Variants in CRTAC1 observed in about 807,000 individuals in gnomAD.
CRTAC1 encodes the protein acidic secreted protein in cartilage.
A neutral mutation model predicts 67.8 loss-of-function variants in CRTAC1; 37 were observed. The observed-to-expected ratio is 0.55, with a 90% CI of 0.42 to 0.72. The LOEUF (loss-of-function observed/expected upper bound fraction) is 0.72. CRTAC1 is among the 30% of genes least tolerant of loss of function. The probability of loss-of-function intolerance (pLI) is 0.00; values close to 1 mark genes in which losing one functional copy is unlikely to be tolerated. For missense variants in CRTAC1, 780 were observed against 931.6 expected (o/e 0.84, Z 2.12); for synonymous variants, 348 against 371.0 (o/e 0.94, Z 0.71).
At chr10:97,962,377 A>G (rs977156216) in intron 2 of CRTAC1, among the ~76,000 whole-genome samples, 2 of 152,244 alleles carry the variant, frequency 1.3e-5, no homozygotes, top group Non-Finnish European at 1.5e-5. Context: ...TAAAGGAATT[A>G]ATGCAGATCA....
At chr10:97,969,344 G>A (rs574672569) in intron 2 of CRTAC1, among the ~76,000 whole-genome samples, 190 of 152,230 alleles carry the variant, frequency 1.2e-3, no homozygotes, top group Middle Eastern at 6.8e-3. Context: ...TCCCCTCCCA[G>A]CCCCTTGACA....
intron 14 of CRTAC1, among the ~76,000 whole-genome samples, chr10:97,874,649 C>T (rs2136531479): frequency 1.3e-5 from 2 of 152,258 alleles, no homozygotes; most frequent in South Asian, 4.2e-4. Context: ...ATAATAGTAT[C>T]TCTAATTTGT....
At chr10:97,875,824 G>A (rs1590172823) in intron 14 of CRTAC1, 2 of 152,226 alleles carry the variant, frequency 1.3e-5, no homozygotes, top group African/African-American at 4.8e-5. Flanking sequence ...CAGACCCTGG[G>A]AGGGGGCCAT....
At chr10:98,002,252 T>C (rs1452801887) in intron 2 of CRTAC1, among the ~76,000 whole-genome samples, 1 of 152,238 alleles carries the variant, frequency 6.6e-6, no homozygotes, top group African/African-American at 2.4e-5. Context: ...AGCAGAGGCA[T>C]TTTTAGTGTT....
intron 13 of CRTAC1, among the ~76,000 whole-genome samples, chr10:97,881,606 C>T (rs774937205): frequency 6.6e-5 from 10 of 152,234 alleles, no homozygotes; most frequent in East Asian, 5.8e-4. Flanking sequence ...GCCTGTTGGG[C>T]GATGAAAAGG....
At chr10:98,002,348 C>CT (rs544292517) in intron 2 of CRTAC1, among the ~76,000 whole-genome samples, 77 of 152,068 alleles carry the variant, frequency 5.1e-4, no homozygotes, top group Middle Eastern at 6.8e-3. Flanking sequence ...TGTTAAAATC[C>CT]TTTTTTAAAA....
rs751481361 is a variant in CRTAC1, at chr10:98,011,370, A to C, written c.25-33T>G. The C allele has an allele frequency of 1.1e-5, 18 of 1,611,254 alleles. No homozygotes were observed. The Admixed American group carries it at 3.0e-4, about 27-fold the overall frequency. ...CAAAAGTGACAAATGTTACCGAAAG[A>C]ACCTGTAACCAAAGCAATCCCGGAA... On this transcript the variant is annotated intron_variant, in intron 1 of 14. Transcript: ENST00000370597.
At position 97,884,224 on chromosome 10, in the gene CRTAC1, C is replaced by A; in HGVS notation, c.1614G>T (p.Gln538His). 1.9e-6 allele frequency: 3 copies of A among 1,569,968 alleles called. No homozygotes were observed. The highest frequency in any genetic ancestry group is 2.6e-6 in the Non-Finnish European group (3 of 1,156,446). Residue 538 changes from glutamine to histidine, a missense_variant, in exon 12 of 15, where the codon CAG becomes CAT. By Grantham distance (24) the Gln-to-His change is conservative. Coordinates refer to ENST00000370597, the MANE Select transcript of CRTAC1 (RefSeq NM_018058.7). ...ILYPRDEDTL[Q>H]DPAPLECGQG... Reference sequence around the variant, plus strand: ...TGCCCACCTCCAGTGGGGCTGGGTCCTGAAGTGTGTCCTCATCCCGGGGGT... The same window carrying A: ...TGCCCACCTCCAGTGGGGCTGGGTCATGAAGTGTGTCCTCATCCCGGGGGT...
intron 14 of CRTAC1, chr10:97,869,945 C>G (rs2050073477): frequency 6.6e-6 from 1 of 152,290 alleles, no homozygotes; most frequent in Admixed American, 6.5e-5. Flanking sequence ...TAAGGCAAGG[C>G]AAACACCACT....
At chr10:97,971,961 T>C (rs1343559830) in intron 2 of CRTAC1, among the ~76,000 whole-genome samples, 1 of 152,160 alleles carries the variant, frequency 6.6e-6, no homozygotes, top group Non-Finnish European at 1.5e-5. Context: ...TTTTACGGGA[T>C]ACTTCTTTTA....
intron 1 of CRTAC1, among the ~76,000 whole-genome samples, chr10:98,025,907 G>C (rs978716811): frequency 6.6e-6 from 1 of 152,206 alleles, no homozygotes; most frequent in Non-Finnish European, 1.5e-5. Flanking sequence ...AAGCATGGCA[G>C]AACCCCAAAG....
At chr10:97,947,352 G>C (rs956796849) in intron 2 of CRTAC1, among the ~76,000 whole-genome samples, 45 of 152,322 alleles carry the variant, frequency 3.0e-4, no homozygotes, top group African/African-American at 1.1e-3. Flanking sequence ...GCCAAAAATT[G>C]TTGGGGTAAA....
chr10:97,995,266 T>G (rs1441459384), intron 2 of CRTAC1, among the ~76,000 whole-genome samples: 1 of 152,060 alleles, frequency 6.6e-6, no homozygotes, highest in Non-Finnish European at 1.5e-5. Context: ...GCATGGGGCT[T>G]CCTGCACATA....
At chr10:97,997,148 A>G (rs1326084949) in intron 2 of CRTAC1, among the ~76,000 whole-genome samples, 2 of 149,606 alleles carry the variant, frequency 1.3e-5, no homozygotes, top group East Asian at 3.9e-4. Flanking sequence ...TGATGAGTTA[A>G]TGGGTGCAGC....
chr10:97,960,300 T>C lies in CRTAC1; in HGVS notation c.225-23934A>G, dbSNP rs559076216. ...ATGGTCAATAAATTGTAGCCCCTCT[T>C]GTCAGCAGCATCACATATTTGTATC... On this transcript the variant is annotated intron_variant, in intron 2 of 14. Transcript: ENST00000370597. Among the ~76,000 whole-genome samples the C allele has an allele frequency of 2.0e-5, 3 of 152,344 alleles. No individual in the cohort carries two copies. In the East Asian group the frequency reaches 5.8e-4, roughly 29 times the overall value.
intron 14 of CRTAC1, among the ~76,000 whole-genome samples, chr10:97,871,763 G>C (rs2050095567): frequency 6.6e-6 from 1 of 152,200 alleles, no homozygotes; most frequent in African/African-American, 2.4e-5. Flanking sequence ...AGACGTGGGA[G>C]AAGAGAGAGT....
chr10:97,955,998 G>T (rs1165237013), intron 2 of CRTAC1, among the ~76,000 whole-genome samples: 1 of 152,160 alleles, frequency 6.6e-6, no homozygotes, highest in Non-Finnish European at 1.5e-5. Context: ...AGCAACTAAT[G>T]CTTCAGTGGC....
intron 1 of CRTAC1, among the ~76,000 whole-genome samples, chr10:98,026,176 C>G (rs1385979605): frequency 1.3e-5 from 2 of 152,206 alleles, no homozygotes; most frequent in African/African-American, 4.8e-5. Flanking sequence ...GCTCCCCTAC[C>G]CTCATCACAT....
chr10:97,963,155 A>G (rs1163447358), intron 2 of CRTAC1, among the ~76,000 whole-genome samples: 3 of 152,084 alleles, frequency 2.0e-5, no homozygotes, highest in Non-Finnish European at 2.9e-5. Context: ...GTCCTTTGTC[A>G]TCATTTCCTG....
Sources: allele counts gnomAD v4.1 joint callset (sites outside exome capture counted in the v4.1 genomes callset), GRCh38; gene constraint gnomAD v4.1.1; transcripts MANE v1.5; gene names NCBI Gene and HGNC (gene_info 2026-07-23, HGNC 2026-07-21).